The following IPO9 variants were observed in gnomAD, a reference collection of about 807,000 sequenced individuals.
IPO9 encodes importin-9.
IPO9 carries 28 observed loss-of-function variants against 128.6 expected under a neutral mutation model. The ratio of observed to expected loss-of-function variants is 0.22; its 90% CI spans 0.16 to 0.30. The LOEUF (loss-of-function observed/expected upper bound fraction) is 0.30, where lower values mean the gene tolerates loss of function less well. Among genes scored for constraint, IPO9 ranks in the 10% least tolerant of loss-of-function variants. IPO9 has a pLI of 1.00. For synonymous variants in IPO9, 455 were observed against 475.8 expected, an observed-to-expected ratio of 0.96 and a Z score of 0.57; for missense variants, 935 against 1,293.9, an observed-to-expected ratio of 0.72 and a Z score of 4.26.
At chr1:201,847,908 G>A (rs551003170) in intron 3 of IPO9, among the ~76,000 whole-genome samples, 34 of 152,294 alleles carry the variant, frequency 2.2e-4, no homozygotes, top group Non-Finnish European at 5.9e-5. Flanking sequence ...TCTCCAAAGT[G>A]AGAATAAAAA....
chr1:201,872,316 A>G (rs1232018313), intron 19 of IPO9, among the ~76,000 whole-genome samples: 3 of 152,182 alleles, frequency 2.0e-5, no homozygotes, highest in African/African-American at 4.8e-5. Context: ...GCACCTTACA[A>G]TATGGTGCAA....
chr1:201,871,009 A>C, intron 18 of IPO9, 151 bp downstream of exon 18: 1 of 1,279,806 alleles, frequency 7.8e-7, no homozygotes, highest in Non-Finnish European at 1.1e-6. Context: ...TTGGCCTAAG[A>C]AACATGGACA....
chr1:201,860,699 A>G (rs1423340016), intron 13 of IPO9, among the ~76,000 whole-genome samples: 1 of 152,248 alleles, frequency 6.6e-6, no homozygotes, highest in East Asian at 1.9e-4. Flanking sequence ...CAAATTATCA[A>G]TAATTTAAAA....
At chr1:201,869,019 G>A (rs540712065) in intron 16 of IPO9, among the ~76,000 whole-genome samples, 2 of 152,144 alleles carry the variant, frequency 1.3e-5, no homozygotes, top group Non-Finnish European at 2.9e-5. Flanking sequence ...TTGGGAGGCC[G>A]AGGTGGGTGG....
intron 12 of IPO9, 44 bp from the exon 13 acceptor site, chr1:201,858,811 T>G (rs1680381285): frequency 6.4e-7 from 1 of 1,556,578 alleles, no homozygotes; most frequent in Non-Finnish European, 8.8e-7. Flanking sequence ...TTATCTCTTT[T>G]GGCAGTTTAG....
chr1:201,855,325 T>C (rs1680311413), intron 9 of IPO9, 143 bp downstream of exon 9: 3 of 578,792 alleles, frequency 5.2e-6, no homozygotes, highest in African/African-American at 3.7e-5. Flanking sequence ...ATGTATTCGA[T>C]GTGGGGAAAT....
chr1:201,869,155 G>C (rs1381658108), intron 16 of IPO9, among the ~76,000 whole-genome samples: 2 of 152,174 alleles, frequency 1.3e-5, no homozygotes, highest in Non-Finnish European at 2.9e-5. Flanking sequence ...AGAGGCTGAG[G>C]CAGGAGAATC....
intron 13 of IPO9, among the ~76,000 whole-genome samples, chr1:201,862,798 C>T (rs1680473491): frequency 7.2e-6 from 1 of 138,306 alleles, no homozygotes; most frequent in Admixed American, 7.4e-5. Context: ...AAGAATGAAA[C>T]TTCATCTCAA....
At chr1:201,852,698 A>G (rs1466912732) in intron 5 of IPO9, among the ~76,000 whole-genome samples, 2 of 152,182 alleles carry the variant, frequency 1.3e-5, no homozygotes, top group Non-Finnish European at 2.9e-5. Flanking sequence ...CTGCATTTTA[A>G]AGGAAATATA....
intron 17 of IPO9, 109 bp downstream of exon 17, chr1:201,869,827 A>T: frequency 7.5e-7 from 1 of 1,327,654 alleles, no homozygotes; most frequent in South Asian, 1.5e-5. Context: ...CGGAATTCTC[A>T]ACTCCATATT....
intron 23 of IPO9, among the ~76,000 whole-genome samples, chr1:201,875,631 C>T (rs993654019): frequency 3.9e-5 from 6 of 152,002 alleles, no homozygotes; most frequent in African/African-American, 1.4e-4. Flanking sequence ...ACATGGGAGC[C>T]TCATGGGAAA....
At chr1:201,861,573 G>A (rs1680449003) in intron 13 of IPO9, among the ~76,000 whole-genome samples, 1 of 152,200 alleles carries the variant, frequency 6.6e-6, no homozygotes, top group Non-Finnish European at 1.5e-5. Flanking sequence ...TTAACTTACA[G>A]TATTTTCAAC....
chr1:201,847,612 T>C lies in IPO9; in HGVS notation c.286T>C (p.Phe96Leu). 6.2e-7 allele frequency: 1 copy of C among 1,613,770 alleles called. No individual in the cohort carries two copies. Among genetic ancestry groups the C allele is most frequent in the East Asian group, 2.2e-5 (1 of 44,868 alleles). ...ETHWCAQSEK[F>L]RPPETTERAK... The stretch of plus-strand genomic sequence containing the variant: ...TCACTGGTGTGCCCAATCAGAGAAA[T>C]TTAGGCCTCCTGAAACTACAGAAAG... The change falls in exon 3 of 24, where the codon TTT (phenylalanine) becomes CTT (leucine). Residue 96 changes from phenylalanine to leucine, a missense_variant. Phe to Leu is a conservative substitution (Grantham distance 22). Coordinates refer to ENST00000361565, the MANE Select transcript of IPO9 (RefSeq NM_018085.5).
chr1:201,865,199 C>CTTTTTTTTTTTTTTTTTTTTT (rs201084995), intron 14 of IPO9, among the ~76,000 whole-genome samples: 2 of 132,852 alleles, frequency 1.5e-5, no homozygotes. Flanking sequence ...AACTATTTTT[C>CTTTTTTTTTTTTTTTTTTTTT]TTTTTTTTTT....
At chr1:201,866,485 A>AG (rs1680556122) in intron 14 of IPO9, among the ~76,000 whole-genome samples, 1 of 151,660 alleles carries the variant, frequency 6.6e-6, no homozygotes, top group African/African-American at 2.4e-5. Context: ...TGCAAAAAAA[A>AG]AAAACCTCAA....
chr1:201,829,414 A>C, intron 1 of IPO9, 42 bp downstream of exon 1: 3 of 1,505,482 alleles, frequency 2.0e-6, no homozygotes, highest in South Asian at 1.3e-5. Context: ...TCAGCCGCAC[A>C]ATCCGCTGAC....
rs1419542748 is a variant in IPO9 at position 201,829,164 on chromosome 1, G to A, written c.-46G>A. ...TGGCCGCGCGCGGGGGCCGTCATTC[G>A]GTGGCGGGTCCCGGCCGCGGGGCTG... is the stretch of plus-strand genomic sequence containing the variant. On this transcript the variant is annotated 5_prime_UTR_variant, in exon 1 of 24. Transcript: ENST00000361565. 8 of 1,416,864 alleles carry A rather than the reference G, an allele frequency of 5.6e-6. No individual in the cohort carries two copies. The South Asian group carries it at 7.7e-5, about 14-fold the overall frequency. The allele number at this position is 1,416,864 out of a possible 1,614,324, so 87.8% of individuals were successfully genotyped here.
intron 14 of IPO9, among the ~76,000 whole-genome samples, chr1:201,865,318 C>T (rs1449065575): frequency 6.6e-6 from 1 of 151,366 alleles, no homozygotes; most frequent in Non-Finnish European, 1.5e-5. Context: ...AAGCAATTCT[C>T]CTGCTTCAGC....
chr1:201,854,013 G>A (rs1055780263), intron 6 of IPO9, among the ~76,000 whole-genome samples: 1 of 152,172 alleles, frequency 6.6e-6, no homozygotes, highest in Non-Finnish European at 1.5e-5. Flanking sequence ...TGGGATTACA[G>A]GCATGAGCCA....
Sources: gnomAD v4.1 joint callset for allele counts (sites outside exome capture counted in the v4.1 genomes callset) on GRCh38, gnomAD v4.1.1 for gene constraint, MANE v1.5 for transcripts, NCBI Gene and HGNC (gene_info 2026-07-23, HGNC 2026-07-21) for gene names.